SPATA31G1: variants seen among roughly 807,000 people sequenced by gnomAD.
The protein encoded by SPATA31G1 is SPATA31 subfamily G member 1.
the SPATA31G1 span, chr9:35,045,968 A>C: frequency 7.2e-7 from 1 of 1,387,614 alleles, no homozygotes; most frequent in Non-Finnish European, 9.7e-7. Context: ...ATTCTAATAA[A>C]CTAGCTGAAT....
At chr9:35,043,048 C>G in the SPATA31G1 span, 1 of 1,614,174 alleles carries the variant, frequency 6.2e-7, no homozygotes, top group Non-Finnish European at 8.5e-7. Flanking sequence ...CCCCAGCCAT[C>G]CTGTGGTTCT....
At chr9:35,042,643 T>C in the SPATA31G1 span, 5 of 1,258,806 alleles carry the variant, frequency 4.0e-6, no homozygotes, top group Non-Finnish European at 4.4e-6. Flanking sequence ...TGAGTGACCA[T>C]GGATTCTAGA....
the SPATA31G1 span, chr9:35,045,390 C>A: frequency 1.7e-5 from 28 of 1,613,956 alleles, no homozygotes; most frequent in Non-Finnish European, 1.9e-5. Context: ...CCCAGGAGAA[C>A]CCTCAAACTC....
chr9:35,045,538 G>A, the SPATA31G1 span: 1 of 1,614,166 alleles, frequency 6.2e-7, no homozygotes. Flanking sequence ...ACAGTCACAG[G>A]GAAGAACCAC....
chr9:35,043,257 A>G, the SPATA31G1 span: 1 of 1,614,184 alleles, frequency 6.2e-7, no homozygotes, highest in East Asian at 2.2e-5. Context: ...CTTGGAGGCC[A>G]TCTTCCTGAG....
chr9:35,045,700 G>C, the SPATA31G1 span: 1 of 1,614,236 alleles, frequency 6.2e-7, no homozygotes, highest in Admixed American at 1.7e-5. Flanking sequence ...GCAGGGCGAA[G>C]AGCAAGTGAC....
At chr9:35,041,552 G>A in the SPATA31G1 span, 1 of 155,006 alleles carries the variant, frequency 6.5e-6, no homozygotes, top group African/African-American at 2.4e-5. Context: ...ACCAGCCGGG[G>A]CAATACAATG....
the SPATA31G1 span, chr9:35,042,549 T>C: frequency 6.2e-7 from 1 of 1,609,084 alleles, no homozygotes; most frequent in Non-Finnish European, 8.5e-7. Flanking sequence ...AGGTCATTGG[T>C]ATGAATGTGG....
the SPATA31G1 span, chr9:35,044,225 TG>T: frequency 6.2e-7 from 1 of 1,614,136 alleles, no homozygotes; most frequent in South Asian, 1.1e-5. Flanking sequence ...GAATCAATCC[TG>T]GGGAATGCCT....
the SPATA31G1 span, chr9:35,043,200 A>C: frequency 6.2e-7 from 1 of 1,614,226 alleles, no homozygotes; most frequent in Non-Finnish European, 8.5e-7. Flanking sequence ...CCAGCAGCAG[A>C]GAAAAAGCCA....
At chr9:35,043,510 A>C in the SPATA31G1 span, 1 of 1,614,052 alleles carries the variant, frequency 6.2e-7, no homozygotes, top group African/African-American at 1.3e-5. Flanking sequence ...TTCCCTGTGG[A>C]CCACAAGGGA....
the SPATA31G1 span, chr9:35,044,893 C>CA: frequency 2.5e-6 from 4 of 1,614,092 alleles, no homozygotes; most frequent in South Asian, 4.4e-5. Flanking sequence ...GTAACGTGCC[C>CA]AGGGGTTAAG....
the SPATA31G1 span, chr9:35,045,130 A>C: frequency 1.2e-6 from 2 of 1,614,016 alleles, no homozygotes; most frequent in Admixed American, 3.3e-5. Flanking sequence ...CAGCAGATTT[A>C]TCCCCCCAAT....
At chr9:35,044,774 C>T in the SPATA31G1 span, 1 of 1,614,060 alleles carries the variant, frequency 6.2e-7, no homozygotes, top group Non-Finnish European at 8.5e-7. Flanking sequence ...GAGAAGTTCC[C>T]CAAGGCCCCA....
the SPATA31G1 span, chr9:35,042,017 C>T: frequency 3.1e-4 from 172 of 554,416 alleles, 1 homozygote; most frequent in East Asian, 4.9e-3. Context: ...TAAGGCAGTT[C>T]GGTGCTAGAA....
At chr9:35,042,381 G>A in the SPATA31G1 span, 8 of 1,614,226 alleles carry the variant, frequency 5.0e-6, no homozygotes, top group Non-Finnish European at 6.8e-6. Context: ...AGGAAATCTG[G>A]TGACACTATT....
the SPATA31G1 span, chr9:35,044,918 C>T: frequency 6.2e-6 from 10 of 1,614,182 alleles, no homozygotes; most frequent in South Asian, 8.8e-5. Context: ...AGGCCCCACT[C>T]TCCCAGAGAT....
the SPATA31G1 span, chr9:35,044,193 A>T: frequency 2.5e-6 from 4 of 1,614,022 alleles, no homozygotes; most frequent in Non-Finnish European, 3.4e-6. Flanking sequence ...CACACCTCCA[A>T]CCACCCTTAT....
At chr9:35,044,908 A>G in the SPATA31G1 span, 8 of 1,614,130 alleles carry the variant, frequency 5.0e-6, no homozygotes, top group African/African-American at 1.3e-5. Context: ...GTTAAGGCAG[A>G]GGCCCCACTC....
Sources: gnomAD v4.1 joint callset for allele counts on GRCh38, gnomAD v4.1.1 for gene constraint, MANE v1.5 for transcripts, NCBI Gene and HGNC (gene_info 2026-07-23, HGNC 2026-07-21) for gene names.